The following MAPKAP1 variants were observed in gnomAD, a reference collection of about 807,000 sequenced individuals.
MAPKAP1 encodes the protein MAPK associated protein 1.
Under a neutral mutation model 65.7 loss-of-function variants are expected in MAPKAP1, and 20 were observed. That is an observed-to-expected ratio of 0.30 (90% CI 0.21 to 0.44). The LOEUF is 0.44. Among genes scored for constraint, MAPKAP1 ranks in the 20% least tolerant of loss-of-function variants. The probability of loss-of-function intolerance (pLI) is 1.00; values close to 1 mark genes in which losing one functional copy is unlikely to be tolerated. For synonymous variants in MAPKAP1, 222 were observed against 244.3 expected (o/e 0.91, Z 0.85); for missense variants, 423 against 648.0 (o/e 0.65, Z 3.77).
intron 3 of MAPKAP1, among the ~76,000 whole-genome samples, chr9:125,662,133 G>C (rs1834203414): frequency 6.6e-6 from 1 of 152,152 alleles, no homozygotes; most frequent in African/African-American, 2.4e-5. Flanking sequence ...TGTAATTCTA[G>C]CACTTCGGGA....
At chr9:125,674,820 T>C (rs1784678082) in intron 1 of MAPKAP1, among the ~76,000 whole-genome samples, 1 of 152,142 alleles carries the variant, frequency 6.6e-6, no homozygotes, top group Non-Finnish European at 1.5e-5. Context: ...CAAAGGTGAG[T>C]AAGGTATCCC....
At chr9:125,467,546 C>T (rs956826579) in intron 10 of MAPKAP1, among the ~76,000 whole-genome samples, 5 of 152,144 alleles carry the variant, frequency 3.3e-5, no homozygotes, top group Admixed American at 6.5e-5. Flanking sequence ...TCTAGGCGTT[C>T]GCCGCCTTGG....
chr9:125,554,753 A>C (rs542632518), intron 6 of MAPKAP1, among the ~76,000 whole-genome samples: 1 of 147,492 alleles, frequency 6.8e-6, no homozygotes, highest in South Asian at 2.2e-4. Context: ...CCATGATCAC[A>C]TCACTGCACT....
chr9:125,578,506 A>G (rs547558652), intron 5 of MAPKAP1, among the ~76,000 whole-genome samples: 28 of 152,342 alleles, frequency 1.8e-4, no homozygotes, highest in African/African-American at 5.5e-4. Flanking sequence ...ATGAGTCAAA[A>G]AAGAAAAACC....
chr9:125,503,013 T>G (rs1391957476), intron 8 of MAPKAP1, among the ~76,000 whole-genome samples: 2 of 152,220 alleles, frequency 1.3e-5, no homozygotes, highest in Non-Finnish European at 2.9e-5. Context: ...TATGAAGTAA[T>G]GGTTTTTATA....
chr9:125,636,738 G>A (rs1833435950), intron 4 of MAPKAP1, among the ~76,000 whole-genome samples: 2 of 152,204 alleles, frequency 1.3e-5, no homozygotes, highest in South Asian at 4.1e-4. Context: ...TGATCTGCCA[G>A]GTGATCTGCA....
intron 4 of MAPKAP1, among the ~76,000 whole-genome samples, chr9:125,586,866 C>T (rs756568475): frequency 1.3e-5 from 2 of 152,206 alleles, no homozygotes; most frequent in Non-Finnish European, 2.9e-5. Context: ...ACAACAACCC[C>T]TCTTATTTTA....
chr9:125,510,955 T>C lies in MAPKAP1; in HGVS notation c.959-4538A>G, dbSNP rs1473896516. On this transcript the variant is annotated intron_variant, in intron 7 of 11. Coordinates refer to ENST00000265960, the MANE Select transcript of MAPKAP1 (RefSeq NM_001006617.3). ...TTAAGGGCATAAACTTGGGGCCCAA[T>C]TGCCTTGGCCTAAGTCCTGGCCAAG... Among the ~76,000 whole-genome samples, 3 of 152,082 alleles carry C rather than the reference T, an allele frequency of 2.0e-5. No individual in the cohort carries two copies. The South Asian group carries it at 6.2e-4, about 32-fold the overall frequency.
At chr9:125,591,065 C>A (rs572088102) in intron 4 of MAPKAP1, among the ~76,000 whole-genome samples, 168 of 152,290 alleles carry the variant, frequency 1.1e-3, no homozygotes, top group Non-Finnish European at 1.9e-3. Flanking sequence ...TGAGTGACTG[C>A]GACCTGGCGT....
chr9:125,501,895 C>T (rs1388572578), intron 8 of MAPKAP1, among the ~76,000 whole-genome samples: 1 of 152,008 alleles, frequency 6.6e-6, no homozygotes, highest in Non-Finnish European at 1.5e-5. Context: ...CTGTGTTTCT[C>T]TTCCTTGTTT....
chr9:125,697,881 C>T (rs1418818682), intron 1 of MAPKAP1, among the ~76,000 whole-genome samples: 1 of 150,984 alleles, frequency 6.6e-6, no homozygotes, highest in African/African-American at 2.5e-5. Flanking sequence ...TTCATCAAAT[C>T]CTTAAGCTTC....
intron 3 of MAPKAP1, among the ~76,000 whole-genome samples, chr9:125,662,999 G>C (rs1834232851): frequency 6.6e-6 from 1 of 152,162 alleles, no homozygotes; most frequent in African/African-American, 2.4e-5. Flanking sequence ...GCTGGCAGAT[G>C]AGTGAAGGGA....
chr9:125,634,659 G>A (rs555533971), intron 4 of MAPKAP1, among the ~76,000 whole-genome samples: 2 of 152,208 alleles, frequency 1.3e-5, no homozygotes, highest in Non-Finnish European at 2.9e-5. Flanking sequence ...GAGTACTGGT[G>A]AAGTTAGGTA....
At chr9:125,702,910 G>C (rs1401872783) in intron 1 of MAPKAP1, among the ~76,000 whole-genome samples, 1 of 151,816 alleles carries the variant, frequency 6.6e-6, no homozygotes, top group Admixed American at 6.6e-5. Context: ...TGTAGTCCTA[G>C]CTATTGGGGA....
chr9:125,576,284 G>A (rs939942901), intron 5 of MAPKAP1, among the ~76,000 whole-genome samples: 1 of 152,126 alleles, frequency 6.6e-6, no homozygotes, highest in Non-Finnish European at 1.5e-5. Flanking sequence ...ATAACTGCTG[G>A]CTTTTGTTAA....
At chr9:125,501,732 T>C (rs1828987723) in intron 8 of MAPKAP1, among the ~76,000 whole-genome samples, 2 of 152,158 alleles carry the variant, frequency 1.3e-5, no homozygotes, top group Non-Finnish European at 2.9e-5. Context: ...CCTGTGTCAA[T>C]TTTGTTGTCT....
intron 5 of MAPKAP1, among the ~76,000 whole-genome samples, chr9:125,580,628 T>C (rs4837021): frequency 0.3 from 45,266 of 151,284 alleles, 7,918 homozygotes; most frequent in Middle Eastern, 0.4. Context: ...GGCACATGTA[T>C]ACATATGTAA....
intron 4 of MAPKAP1, among the ~76,000 whole-genome samples, chr9:125,618,967 A>T (rs993393483): frequency 9.2e-5 from 14 of 152,216 alleles, no homozygotes; most frequent in African/African-American, 3.4e-4. Context: ...CCCTATCTCT[A>T]CAAAAATTTT....
chr9:125,454,210 T>C (rs1853073353), intron 10 of MAPKAP1, among the ~76,000 whole-genome samples: 1 of 152,268 alleles, frequency 6.6e-6, no homozygotes, highest in South Asian at 2.1e-4. Context: ...GACGCTTCAA[T>C]TCATGTGTAA....
Sources: gnomAD v4.1 joint callset for allele counts (sites outside exome capture counted in the v4.1 genomes callset) on GRCh38, gnomAD v4.1.1 for gene constraint, MANE v1.5 for transcripts, NCBI Gene and HGNC (gene_info 2026-07-23, HGNC 2026-07-21) for gene names.